RUFY1: variants seen among roughly 807,000 people sequenced by gnomAD.
RUFY1 encodes the protein RUN and FYVE domain containing 1, also known as RUN and FYVE domain-containing protein 1.
Under a neutral mutation model 94.6 loss-of-function variants are expected in RUFY1, and 54 were observed. That is an observed-to-expected ratio of 0.57 (90% CI 0.46 to 0.72). RUFY1 has a LOEUF of 0.72. Ranked by LOEUF, RUFY1 falls within the 30% of genes least tolerant of loss-of-function variation. The pLI, the probability that RUFY1 is intolerant of heterozygous loss-of-function variation, is 0.00. For missense variants in RUFY1, 883 were observed against 883.9 expected, an observed-to-expected ratio of 1.00 and a Z score of 0.01; for synonymous variants, 396 against 347.3, an observed-to-expected ratio of 1.14 and a Z score of -1.56.
chr5:179,577,285 C>T (rs1763697810), intron 6 of RUFY1, 149 bp downstream of exon 6: 2 of 555,346 alleles, frequency 3.6e-6, no homozygotes, highest in Non-Finnish European at 3.2e-6. Flanking sequence ...GATTCTTCTG[C>T]CTCAGCCTCC....
At chr5:179,607,777 CTG>C in intron 17 of RUFY1, 118 bp downstream of exon 17, 9 of 852,612 alleles carry the variant, frequency 1.1e-5, no homozygotes, top group Non-Finnish European at 1.5e-5. Flanking sequence ...ACTGTGCTGA[CTG>C]TGGCAGATGG....
chr5:179,558,379 C>G (rs1232025220), intron 1 of RUFY1, among the ~76,000 whole-genome samples: 1 of 152,100 alleles, frequency 6.6e-6, no homozygotes, highest in African/African-American at 2.4e-5. Flanking sequence ...TCGAGACCAG[C>G]CTGACCAAAA....
intron 9 of RUFY1, chr5:179,590,982 T>A (rs1765035063): frequency 6.7e-6 from 1 of 149,702 alleles, no homozygotes. Flanking sequence ...TATAGGCACA[T>A]GCCACCACAC....
chr5:179,567,580 T>C lies in RUFY1; in HGVS notation c.704+18T>C, dbSNP rs2127522062. On this transcript the variant is annotated intron_variant, in intron 4 of 17. Transcript: ENST00000319449. ...CTCTTAAGGTATTTCATCAACCATG[T>C]TTGCTTATCTTTTGCTTGGTAAATA... 6.5e-7 allele frequency: 1 copy of C among 1,538,944 alleles called. No individual in the cohort carries two copies. The highest frequency in any genetic ancestry group is 1.4e-5 in the African/African-American group (1 of 73,512).
Position 179,609,583 on chromosome 5 carries a change from G to A in RUFY1, c.*64G>A. ...AAACCCTGTGGGTCTCCAGGGGCTT[G>A]GGAAATGTGTTCTTTCCCAAGAGTA... On this transcript the variant is annotated 3_prime_UTR_variant, in exon 18 of 18. Transcript: ENST00000319449. 1 of 1,415,534 alleles carries A rather than the reference G, an allele frequency of 7.1e-7. No individual in the cohort carries two copies. The highest frequency in any genetic ancestry group is 9.4e-7 in the Non-Finnish European group (1 of 1,063,840). 87.7% of individuals were successfully genotyped at this position (1,415,534 alleles called of 1,614,324 possible). A position where few individuals can be genotyped will look rare whatever the true frequency, so the allele number is the denominator to read the frequency against.
intron 16 of RUFY1, chr5:179,606,187 T>G: frequency 1.8e-6 from 1 of 540,956 alleles, no homozygotes. Flanking sequence ...CTGATGGGCA[T>G]TCCCTAAGGG....
intron 2 of RUFY1, among the ~76,000 whole-genome samples, chr5:179,560,756 A>G (rs1762398862): frequency 6.6e-6 from 1 of 151,712 alleles, no homozygotes; most frequent in Admixed American, 6.6e-5. Flanking sequence ...AAAAAGAAAA[A>G]AAAGTGTTAG....
In RUFY1 at chr5:179,596,568, G is replaced by C. The variant is rs886402190; in HGVS notation, c.1518G>C (p.Gln506His). 3 of 1,613,716 alleles carry C rather than the reference G, an allele frequency of 1.9e-6. No individual in the cohort carries two copies. Among genetic ancestry groups the C allele is most frequent in the Non-Finnish European group, 8.5e-7 (1 of 1,179,986 alleles). Residue 506 changes from glutamine (Q) to histidine (H), a missense_variant, in exon 13 of 18, where the codon CAG becomes CAC. Physicochemically the swap from Gln to His is conservative, Grantham distance 24. Coordinates refer to ENST00000319449, the MANE Select transcript of RUFY1 (RefSeq NM_025158.5). ...SSMKQMEERL[Q>H]HSERARQGAE... ...TTGCTGGTGTCGCATCCAGGTTGCA[G>C]CACTCGGAGCGGGCGAGGCAGGGGG...
intron 14 of RUFY1, chr5:179,600,076 C>T (rs1391674549): frequency 6.6e-6 from 1 of 152,268 alleles, no homozygotes; most frequent in African/African-American, 2.4e-5. Context: ...GGCATACCTC[C>T]TTTATTCTGC....
chr5:179,609,536 G>T lies in RUFY1; in HGVS notation c.*17G>T. On this transcript the variant is annotated 3_prime_UTR_variant, in exon 18 of 18. Transcript: ENST00000319449. ...GCCTCCTGAACGTCCGTCCTCAGGA[G>T]CACAGCCTCACGGACAGTGCCAAAC... The T allele has an allele frequency of 6.3e-7, 1 of 1,587,270 alleles. No homozygotes were observed.
At chr5:179,560,725 CAAA>C (rs68093858) in intron 2 of RUFY1, among the ~76,000 whole-genome samples, 4 of 78,784 alleles carry the variant, frequency 5.1e-5, no homozygotes, top group Non-Finnish European at 1.0e-4. Flanking sequence ...GACTCCGTCT[CAAA>C]AAAAAAAAAA....
At chr5:179,583,411 A>AAT (rs10541437) in intron 7 of RUFY1, among the ~76,000 whole-genome samples, 64,515 of 143,540 alleles carry the variant, frequency 0.45, 14,754 homozygotes, top group East Asian at 0.67. Context: ...TTCTCATATA[A>AAT]ATATATATAT....
intron 5 of RUFY1, among the ~76,000 whole-genome samples, chr5:179,575,816 CTG>C (rs1471461252): frequency 6.6e-6 from 1 of 152,114 alleles, no homozygotes; most frequent in African/African-American, 2.4e-5. Flanking sequence ...GTGTCTGACT[CTG>C]TCACCCAGGC....
Position 179,598,841 on chromosome 5 carries a change from G to A in RUFY1, c.1761+20G>A. 6.2e-7 allele frequency: 1 copy of A among 1,613,886 alleles called. No homozygotes were observed. Among genetic ancestry groups the A allele is most frequent in the Non-Finnish European group, 8.5e-7 (1 of 1,179,878 alleles). On this transcript the variant is annotated intron_variant, in intron 14 of 17. Coordinates refer to ENST00000319449, the MANE Select transcript of RUFY1 (RefSeq NM_025158.5). ...AAAAAGGTGAGGTGGGCCATCCCGG[G>A]AGAGGAGAGCCTCTGGCAGCCTCCA...
rs559506407 is a variant in RUFY1 at position 179,579,794 on chromosome 5, G to A, written c.891-1153G>A. On this transcript the variant is annotated intron_variant, in intron 6 of 17. Coordinates refer to ENST00000319449, the MANE Select transcript of RUFY1 (RefSeq NM_025158.5). ...TTCTCCTCCTCAGCCTCCCTGAGTC[G>A]CTGGGACTGCAGGTGCATGCCACCA... Among the ~76,000 whole-genome samples, 11 of 150,302 alleles carry A rather than the reference G, an allele frequency of 7.3e-5. 1 individual carries two copies. The highest frequency in any genetic ancestry group is 6.3e-4 in the South Asian group (3 of 4,730).
intron 16 of RUFY1, 59 bp from the exon 17 acceptor site, chr5:179,607,523 T>C: frequency 1.4e-6 from 2 of 1,429,196 alleles, no homozygotes; most frequent in South Asian, 1.1e-5. Context: ...AGAACGCAGC[T>C]ACCCACTCAT....
intron 2 of RUFY1, among the ~76,000 whole-genome samples, chr5:179,560,958 C>T (rs1401808999): frequency 1.3e-5 from 2 of 152,114 alleles, no homozygotes; most frequent in African/African-American, 4.8e-5. Context: ...GCCTTGTAAT[C>T]CCAGCACCTT....
chr5:179,577,539 A>G (rs1033899408), intron 6 of RUFY1, among the ~76,000 whole-genome samples: 20 of 145,378 alleles, frequency 1.4e-4, no homozygotes, highest in Admixed American at 7.6e-4. Flanking sequence ...CCGGACGGAA[A>G]TTGCCGAAGA....
At chr5:179,594,184 C>A (rs1419620761) in intron 11 of RUFY1, among the ~76,000 whole-genome samples, 1 of 151,910 alleles carries the variant, frequency 6.6e-6, no homozygotes, top group Non-Finnish European at 1.5e-5. Flanking sequence ...CGCCTCTAAT[C>A]CCAGATACTC....
Sources: gnomAD v4.1 joint callset for allele counts (sites outside exome capture counted in the v4.1 genomes callset) on GRCh38, gnomAD v4.1.1 for gene constraint, MANE v1.5 for transcripts, NCBI Gene and HGNC (gene_info 2026-07-23, HGNC 2026-07-21) for gene names.